Variants in CLASP1 observed in about 807,000 individuals in gnomAD.
The protein encoded by CLASP1 is CLIP-associating protein 1.
A neutral mutation model predicts 192.3 loss-of-function variants in CLASP1; 38 were observed. That is an observed-to-expected ratio of 0.20 (90% CI 0.15 to 0.26). The LOEUF is 0.26. Ranked by LOEUF, CLASP1 falls within the 10% of genes least tolerant of loss-of-function variation. The pLI is 1.00. For missense variants in CLASP1, 1,433 were observed against 1,932.5 expected, an observed-to-expected ratio of 0.74 and a Z score of 4.85; for synonymous variants, 691 against 712.8, an observed-to-expected ratio of 0.97 and a Z score of 0.49.
At chr2:121,525,788 T>C in intron 6 of CLASP1, 57 bp downstream of exon 6, 2 of 1,199,622 alleles carry the variant, frequency 1.7e-6, no homozygotes, top group Non-Finnish European at 2.5e-6. Flanking sequence ...AACACCAGAA[T>C]GCATCTCAAC....
chr2:121,443,434 T>C (rs1448321592), intron 19 of CLASP1, among the ~76,000 whole-genome samples: 1 of 152,180 alleles, frequency 6.6e-6, no homozygotes, highest in Non-Finnish European at 1.5e-5. Context: ...ATTATTCTCT[T>C]CCACTCTCCT....
At position 121,401,716 on chromosome 2, in the gene CLASP1, G is replaced by A. The variant is rs371781472; in HGVS notation, c.2737-44C>T. 12 of 1,518,810 alleles carry A rather than the reference G, an allele frequency of 7.9e-6. No individual in the cohort carries two copies. The South Asian group carries it at 8.0e-5, about 10-fold the overall frequency. The allele number at this position is 1,518,810 out of a possible 1,614,324, so 94.1% of individuals were successfully genotyped here. ...CAAGTAGTTCACATATTGAATTCAC[G>A]ATCTCCTCCAAAGTCTACAAAACAT... On this transcript the variant is annotated intron_variant, in intron 27 of 39. Coordinates refer to ENST00000263710, the Ensembl canonical transcript of CLASP1.
intron 6 of CLASP1, among the ~76,000 whole-genome samples, chr2:121,517,590 C>A (rs1002236719): frequency 6.6e-6 from 1 of 152,118 alleles, no homozygotes; most frequent in African/African-American, 2.4e-5. Context: ...CATGGTGGCT[C>A]ACACCTGTAA....
chr2:121,607,897 A>G (rs1229445379), intron 1 of CLASP1, among the ~76,000 whole-genome samples: 1 of 152,216 alleles, frequency 6.6e-6, no homozygotes, highest in Non-Finnish European at 1.5e-5. Flanking sequence ...ATATACATCA[A>G]GTCATTCAAT....
chr2:121,504,327 A>G (rs1012714727), intron 7 of CLASP1, among the ~76,000 whole-genome samples: 1 of 152,184 alleles, frequency 6.6e-6, no homozygotes, highest in African/African-American at 2.4e-5. Flanking sequence ...ATTCAATTTT[A>G]GGGACATTTT....
chr2:121,419,972 A>G lies in CLASP1; in HGVS notation c.2213-1243T>C, dbSNP rs2079214885. ...TATTATACAGCCAAAGTATAACAAGAATGTCTTATAAACCAGAACCATAAC... is the reference window on the plus strand; with the variant it reads ...TATTATACAGCCAAAGTATAACAAGGATGTCTTATAAACCAGAACCATAAC... On this transcript the variant is annotated intron_variant, in intron 22 of 39. Transcript: ENST00000263710. Among the ~76,000 whole-genome samples, 4 of 152,188 alleles carry G rather than the reference A, an allele frequency of 2.6e-5. No individual in the cohort carries two copies. The South Asian group carries it at 8.3e-4, about 31-fold the overall frequency.
intron 19 of CLASP1, among the ~76,000 whole-genome samples, chr2:121,435,187 T>C (rs1206549284): frequency 6.6e-6 from 1 of 152,238 alleles, no homozygotes; most frequent in Non-Finnish European, 1.5e-5. Context: ...AATATTATAT[T>C]GCTAGAGCTT....
chr2:121,633,826 G>A lies in CLASP1; in HGVS notation c.-286+15546C>T, dbSNP rs533879970. Among the ~76,000 whole-genome samples the A allele has an allele frequency of 1.5e-3, 223 of 152,060 alleles. 1 individual carries two copies. Among genetic ancestry groups the A allele is most frequent in the African/African-American group, 4.8e-3 (200 of 41,480 alleles). The stretch of plus-strand genomic sequence containing the variant: ...TCGAGACCATCCTGGCTAACACAGT[G>A]AAACCCCGTCTCTACTAAAAATAAA... On this transcript the variant is annotated intron_variant, in intron 1 of 39. Coordinates refer to ENST00000263710, the Ensembl canonical transcript of CLASP1.
In CLASP1 at chr2:121,384,011, C is replaced by T. The variant is rs1036034784; in HGVS notation, c.3375-1687G>A. On this transcript the variant is annotated intron_variant, in intron 32 of 39. Coordinates refer to ENST00000263710, the Ensembl canonical transcript of CLASP1. ...GGTGAGATATATATATATATATACA[C>T]ACACACACACACACACACACATATA... Among the ~76,000 whole-genome samples, 130 of 141,046 alleles carry T rather than the reference C, an allele frequency of 9.2e-4. 2 individuals carry two copies. Among genetic ancestry groups the T allele is most frequent in the African/African-American group, 2.9e-3 (105 of 36,288 alleles). The allele number at this position is 141,046 out of a possible 152,430, so 92.5% of individuals were successfully genotyped here.
At chr2:121,380,238 A>G (rs2071307903) in intron 33 of CLASP1, among the ~76,000 whole-genome samples, 1 of 152,210 alleles carries the variant, frequency 6.6e-6, no homozygotes, top group African/African-American at 2.4e-5. Flanking sequence ...CACAAGCAGT[A>G]TATGAGGGAG....
chr2:121,473,165 ACTT>A (rs112607838), intron 8 of CLASP1, among the ~76,000 whole-genome samples: 7,834 of 152,208 alleles, frequency 0.051, 673 homozygotes, highest in African/African-American at 0.18. Context: ...AAAATAGTAA[ACTT>A]CTGAGAAATG....
At position 121,445,553 on chromosome 2, in the gene CLASP1, T is replaced by C. The variant is rs1296957458; in HGVS notation, c.1912+1784A>G. On this transcript the variant is annotated intron_variant, in intron 19 of 39. Coordinates refer to ENST00000263710, the Ensembl canonical transcript of CLASP1. ...ATGCTACACTTTTGCAAAGATGTCATGTGTCAACCTAGGTAGCAACTGTAA... is the reference window on the plus strand; with the variant it reads ...ATGCTACACTTTTGCAAAGATGTCACGTGTCAACCTAGGTAGCAACTGTAA... The C allele has an allele frequency of 5.2e-6, 5 of 958,036 alleles. No individual in the cohort carries two copies. The East Asian group carries it at 3.0e-4, about 58-fold the overall frequency. The allele number at this position is 958,036 out of a possible 1,614,324, so 59.3% of individuals were successfully genotyped here.
At chr2:121,388,042 A>G (rs569728448) in intron 30 of CLASP1, 136 bp from the exon 32 acceptor site, 2 of 626,390 alleles carry the variant, frequency 3.2e-6, no homozygotes, top group East Asian at 2.8e-5. Flanking sequence ...ACAAAAAAGC[A>G]TCTGAAGAAA....
At chr2:121,524,910 G>A (rs2094539506) in intron 6 of CLASP1, among the ~76,000 whole-genome samples, 2 of 152,146 alleles carry the variant, frequency 1.3e-5, no homozygotes, top group Admixed American at 1.3e-4. Flanking sequence ...CCTGCTGCTG[G>A]AACTAAGAGC....
At chr2:121,478,697 A>C (rs1207501376) in intron 8 of CLASP1, among the ~76,000 whole-genome samples, 3 of 35,216 alleles carry the variant, frequency 8.5e-5, no homozygotes, top group South Asian at 1.0e-3. Flanking sequence ...CCACACACAC[A>C]ACCACACCCC....
chr2:121,500,160 GAGA>G (rs2150223868), intron 8 of CLASP1, among the ~76,000 whole-genome samples: 1 of 152,144 alleles, frequency 6.6e-6, no homozygotes, highest in East Asian at 1.9e-4. Context: ...GTATGAAATG[GAGA>G]AAGCAGAGGA....
exon 36 of CLASP1, chr2:121,365,198 G>C: frequency 6.2e-7 from 1 of 1,613,814 alleles, no homozygotes; most frequent in Non-Finnish European, 8.5e-7. Flanking sequence ...AGCTCCAGCA[G>C]GGCTCCCTTC....
chr2:121,458,385 T>C (rs1464417025), intron 13 of CLASP1, among the ~76,000 whole-genome samples: 2 of 152,178 alleles, frequency 1.3e-5, no homozygotes, highest in African/African-American at 4.8e-5. Context: ...AACAAACAAG[T>C]GCCTAGAAAA....
At chr2:121,534,906 TAG>T (rs2095007650) in intron 2 of CLASP1, among the ~76,000 whole-genome samples, 1 of 152,120 alleles carries the variant, frequency 6.6e-6, no homozygotes, top group Admixed American at 6.5e-5. Context: ...AAGTGAAAAC[TAG>T]CAGAAACAAA....
Sources: gnomAD v4.1 joint callset for allele counts (sites outside exome capture counted in the v4.1 genomes callset) on GRCh38, gnomAD v4.1.1 for gene constraint, MANE v1.5 for transcripts, NCBI Gene and HGNC (gene_info 2026-07-23, HGNC 2026-07-21) for gene names.